Variants in TOPBP1 observed in about 807,000 individuals in gnomAD.
TOPBP1 encodes DNA topoisomerase 2-binding protein 1.
A neutral mutation model predicts 167.7 loss-of-function variants in TOPBP1; 28 were observed. The observed-to-expected ratio is 0.17, with a 90% CI of 0.12 to 0.23. The LOEUF (loss-of-function observed/expected upper bound fraction) is 0.23. TOPBP1 is among the 10% of genes least tolerant of loss of function. The pLI is 1.00. For synonymous variants in TOPBP1, 598 were observed against 611.4 expected (o/e 0.98, Z 0.32); for missense variants, 1,554 against 1,809.6 (o/e 0.86, Z 2.56).
chr3:133,648,908 TA>T (rs1218113084), intron 10 of TOPBP1, among the ~76,000 whole-genome samples: 4 of 152,110 alleles, frequency 2.6e-5, no homozygotes, highest in African/African-American at 9.7e-5. Context: ...TAAATGTATA[TA>T]TTTTTGGCTA....
intron 27 of TOPBP1, among the ~76,000 whole-genome samples, chr3:133,608,082 C>T (rs1033499375): frequency 5.9e-5 from 9 of 152,156 alleles, no homozygotes; most frequent in Non-Finnish European, 1.2e-4. Context: ...ATTCAAATTA[C>T]ACAACACAGG....
chr3:133,631,808 T>G (rs567676550), intron 14 of TOPBP1, among the ~76,000 whole-genome samples: 223 of 152,174 alleles, frequency 1.5e-3, no homozygotes, highest in African/African-American at 4.8e-3. Context: ...CGGCTCATTT[T>G]TATATTTTTA....
At position 133,628,429 on chromosome 3, in the gene TOPBP1, T is replaced by A; in HGVS notation, c.2737A>T (p.Ser913Cys). Reference protein sequence around the residue: ...KPLHKVVVCVSKKLSKKQSEL... With the variant: ...KPLHKVVVCVCKKLSKKQSEL... The stretch of plus-strand genomic sequence containing the variant: ...CTCTGCTTCTTACTGAGTTTTTTAC[T>A]AACACATACCACTACTTTGTGAAGT... The change falls in exon 16 of 28, where the codon AGT becomes TGT. Residue 913 changes from serine to cysteine, a missense_variant. Coordinates refer to ENST00000260810, the MANE Select transcript of TOPBP1 (RefSeq NM_007027.4). 6.2e-7 allele frequency: 1 copy of A among 1,611,418 alleles called. No homozygotes were observed. The highest frequency in any genetic ancestry group is 1.1e-5 in the South Asian group (1 of 90,274).
Position 133,623,359 on chromosome 3 carries a change from G to C in TOPBP1, c.3027C>G (p.Leu1009=). The C allele has an allele frequency of 6.2e-7, 1 of 1,613,542 alleles. No homozygotes were observed. The highest frequency in any genetic ancestry group is 8.5e-7 in the Non-Finnish European group (1 of 1,179,732). ...CAGCTGAGAGTAGTCGACTATTACA[G>C]AGCCGGCCATCTTGCACTGCGCTGA... The part of the protein sequence containing the change: ...LDISAVQDGR[L]CNSRLLSAVS... The change falls in exon 18 of 28, where the codon CTC becomes CTG. Residue 1009 remains leucine (L), a synonymous_variant. Coordinates refer to ENST00000260810, the MANE Select transcript of TOPBP1 (RefSeq NM_007027.4).
chr3:133,620,135 C>T lies in TOPBP1; in HGVS notation c.3371+20G>A. On this transcript the variant is annotated intron_variant, in intron 20 of 27. Coordinates refer to ENST00000260810, the MANE Select transcript of TOPBP1 (RefSeq NM_007027.4). ...CTCTCAAGTCATCTAGTCTTTCTGC[C>T]ATCAGTGACAGGTACACACCTCAGT... 1 of 1,577,486 alleles carries T rather than the reference C, an allele frequency of 6.3e-7. No homozygotes were observed. The highest frequency in any genetic ancestry group is 8.6e-7 in the Non-Finnish European group (1 of 1,161,050).
chr3:133,608,679 A>G lies in TOPBP1; in HGVS notation c.4281T>C (p.Ser1427=). 1 of 1,613,492 alleles carries G rather than the reference A, an allele frequency of 6.2e-7. No homozygotes were observed. Among genetic ancestry groups the G allele is most frequent in the South Asian group, 1.1e-5 (1 of 91,078 alleles). Reference sequence around the variant, plus strand: ...GTGTGGCCTCTTTAAATAAAGGTACAGAATGACCAGGTAGCACCTAATGAA... The same window carrying G: ...GTGTGGCCTCTTTAAATAAAGGTACGGAATGACCAGGTAGCACCTAATGAA... ...SGGAKVLPGH[S]VPLFKEATHL... is the part of the protein sequence containing the mutation. The change falls in exon 27 of 28, where the codon TCT becomes TCC. Residue 1427 remains serine, a synonymous_variant. Transcript: ENST00000260810.
intron 7 of TOPBP1, 125 bp from the exon 8 acceptor site, chr3:133,652,754 G>T: frequency 1.4e-6 from 1 of 734,190 alleles, no homozygotes. Context: ...ATTCAGGGGT[G>T]TTTACTGAAA....
chr3:133,635,685 C>T (rs1935647225), intron 14 of TOPBP1, among the ~76,000 whole-genome samples: 1 of 152,224 alleles, frequency 6.6e-6, no homozygotes, highest in South Asian at 2.1e-4. Context: ...CAACACACTA[C>T]TGGTGGAAGC....
At position 133,652,508 on chromosome 3, in the gene TOPBP1, A is replaced by C; in HGVS notation, c.1044T>G (p.Asp348Glu). The C allele has an allele frequency of 1.2e-6, 2 of 1,612,002 alleles. No homozygotes were observed. Among genetic ancestry groups the C allele is most frequent in the Non-Finnish European group, 8.5e-7 (1 of 1,179,850 alleles). ...CTTCAGGTGCTTGAAATGCACTGAC[A>C]TCCAGATTTTCTAGATTTTCAAGTG... ...EPTLENLENL[D>E]VSAFQAPEDL... The change falls in exon 8 of 28, where the codon GAT becomes GAG. Residue 348 changes from aspartate to glutamate, a missense_variant. Physicochemically the swap from Asp to Glu is conservative, Grantham distance 45. Around this residue, in one of 3 missense-constraint regions of TOPBP1, gnomAD observed 1,197 missense variants for 1,351.5 expected, o/e 0.89. Coordinates refer to ENST00000260810, the MANE Select transcript of TOPBP1 (RefSeq NM_007027.4).
intron 5 of TOPBP1, among the ~76,000 whole-genome samples, 197 bp downstream of exon 5, chr3:133,656,479 T>C (rs1452326089): frequency 6.6e-6 from 1 of 152,224 alleles, no homozygotes; most frequent in Non-Finnish European, 1.5e-5. Context: ...TGCTAAACCC[T>C]TGGCCCATTC....
intron 16 of TOPBP1, among the ~76,000 whole-genome samples, chr3:133,625,673 G>A (rs889975984): frequency 2.0e-5 from 3 of 151,888 alleles, no homozygotes; most frequent in Non-Finnish European, 4.4e-5. Context: ...GGAGGTTGTG[G>A]TGAGTCGAGA....
At chr3:133,648,354 C>T (rs1299849669) in intron 10 of TOPBP1, among the ~76,000 whole-genome samples, 2 of 152,168 alleles carry the variant, frequency 1.3e-5, no homozygotes, top group Non-Finnish European at 2.9e-5. Context: ...AACAGTTAAA[C>T]GTGTTAGTAA....
intron 12 of TOPBP1, among the ~76,000 whole-genome samples, chr3:133,641,541 A>T (rs1038855650): frequency 6.6e-6 from 1 of 151,872 alleles, no homozygotes; most frequent in East Asian, 1.9e-4. Context: ...CATTTTTAAA[A>T]TTTTTTGTAA....
At chr3:133,648,036 A>T (rs1215971390) in intron 10 of TOPBP1, among the ~76,000 whole-genome samples, 1 of 152,222 alleles carries the variant, frequency 6.6e-6, no homozygotes, top group Non-Finnish European at 1.5e-5. Flanking sequence ...CTCAAGCAGG[A>T]CAAATAAATG....
chr3:133,622,851 G>C (rs945924933), intron 19 of TOPBP1, among the ~76,000 whole-genome samples: 1 of 152,000 alleles, frequency 6.6e-6, no homozygotes, highest in Non-Finnish European at 1.5e-5. Flanking sequence ...ATAAAACTTT[G>C]CAAATTATCA....
chr3:133,638,282 T>C, intron 13 of TOPBP1, 120 bp from the exon 14 acceptor site: 1 of 963,664 alleles, frequency 1.0e-6, no homozygotes, highest in South Asian at 1.7e-5. Context: ...ACTCCTGGGC[T>C]CAAGAGATCC....
At chr3:133,645,215 G>A (rs916150017) in intron 10 of TOPBP1, among the ~76,000 whole-genome samples, 9 of 152,080 alleles carry the variant, frequency 5.9e-5, no homozygotes, top group African/African-American at 2.2e-4. Context: ...TAAGTACACT[G>A]CAATATATAT....
At position 133,601,253 on chromosome 3, in the gene TOPBP1, G is replaced by C; in HGVS notation, c.4566C>G (p.His1522Gln). ...GGTAACTAAAGGGTAGATGCGATTA[G>C]TGTACTCTAGGTCGTTTGATTTTAT... ...EKNKIKRPRV[H>Q] is the part of the protein sequence containing the mutation. Residue 1522 changes from histidine to glutamine, a missense_variant, in exon 28 of 28, where the codon CAC (histidine) becomes CAG (glutamine). His to Gln is a conservative substitution (Grantham distance 24, BLOSUM62 0). Coordinates refer to ENST00000260810, the MANE Select transcript of TOPBP1 (RefSeq NM_007027.4). 6.3e-7 allele frequency: 1 copy of C among 1,599,102 alleles called. No homozygotes were observed. Among genetic ancestry groups the C allele is most frequent in the Non-Finnish European group, 8.5e-7 (1 of 1,176,084 alleles).
At chr3:133,609,925 T>C (rs1467612365) in intron 25 of TOPBP1, among the ~76,000 whole-genome samples, 2 of 152,230 alleles carry the variant, frequency 1.3e-5, no homozygotes, top group Non-Finnish European at 2.9e-5. Flanking sequence ...TGTATTGAGA[T>C]ATAATTCCCA....
Sources: gnomAD v4.1 joint callset for allele counts (sites outside exome capture counted in the v4.1 genomes callset) on GRCh38, gnomAD v4.1.1 for gene constraint, gnomAD v4.1.1 regional missense constraint, MANE v1.5 for transcripts, NCBI Gene and HGNC (gene_info 2026-07-23, HGNC 2026-07-21) for gene names.